KCNN2: variants seen among roughly 807,000 people sequenced by gnomAD.
KCNN2 encodes the protein potassium calcium-activated channel subfamily N member 2.
Under a neutral mutation model 55.5 loss-of-function variants are expected in KCNN2, and 24 were observed. The ratio of observed to expected loss-of-function variants is 0.43; its 90% CI spans 0.31 to 0.61. KCNN2 has a LOEUF of 0.61. Among genes scored for constraint, KCNN2 ranks in the 20% least tolerant of loss-of-function variants. The pLI is 0.08. For synonymous variants in KCNN2, 431 were observed against 336.1 expected, an observed-to-expected ratio of 1.28 and a Z score of -3.09; for missense variants, 754 against 853.6, an observed-to-expected ratio of 0.88 and a Z score of 1.45.
chr5:114,422,251 C>T (rs1370624373), intron 3 of KCNN2, among the ~76,000 whole-genome samples: 1 of 152,122 alleles, frequency 6.6e-6, no homozygotes, highest in Non-Finnish European at 1.5e-5. Context: ...AACCTAATTT[C>T]CAGTGTGATA....
At chr5:114,365,115 T>C (rs1317115604) in intron 2 of KCNN2, among the ~76,000 whole-genome samples, 1 of 152,182 alleles carries the variant, frequency 6.6e-6, no homozygotes, top group Non-Finnish European at 1.5e-5. Flanking sequence ...GAAATCGTTT[T>C]TAATGATGCC....
chr5:114,461,412 C>A (rs1486690789), intron 3 of KCNN2, among the ~76,000 whole-genome samples: 1 of 152,138 alleles, frequency 6.6e-6, no homozygotes, highest in Non-Finnish European at 1.5e-5. Context: ...TTGCAGGATG[C>A]TCCTAATCAG....
chr5:114,404,619 A>T lies in KCNN2; in HGVS notation c.1400A>T (p.Asp467Val). The part of the protein sequence containing the change: ...YAPSTTTADV[D>V]IILSIPMFLR... ...CCATCCACAACCACCGCTGATGTGG[A>T]TATTATTTTATCTATACCAATGTTC... Residue 467 changes from aspartate (D) to valine (V), a missense_variant, in exon 3 of 8, where the codon GAT (aspartate) becomes GTT (valine). This residue lies in a region of KCNN2 where 123 missense variants were observed against 204.9 expected (regional missense o/e 0.60). Transcript: ENST00000673685. 1 of 1,613,946 alleles carries T rather than the reference A, an allele frequency of 6.2e-7. No homozygotes were observed. The highest frequency in any genetic ancestry group is 8.5e-7 in the Non-Finnish European group (1 of 1,179,932).
Position 114,083,253 on chromosome 5 carries a change from TG to T in KCNN2, c.-271+26754del, listed in dbSNP as rs1246357396. 3.3e-5 allele frequency among the ~76,000 whole-genome samples: 5 copies of T among 152,154 alleles called. No homozygotes were observed. The East Asian group carries it at 7.7e-4, about 24-fold the overall frequency. On this transcript the variant is annotated intron_variant, in intron 1 of 10. Transcript: ENST00000512097. Reference sequence around the variant, plus strand: ...ACTTTTTCACCATTTTTTATTTTGTTGATTTTTGTATCTTTATTATACCTCC... The same window carrying T: ...ACTTTTTCACCATTTTTTATTTTGTTATTTTTGTATCTTTATTATACCTCC...
chr5:114,177,610 A>G (rs537536738), intron 1 of KCNN2, among the ~76,000 whole-genome samples: 13 of 139,788 alleles, frequency 9.3e-5, no homozygotes, highest in South Asian at 4.9e-4. Context: ...TACACCATAC[A>G]AAACATTAAC....
rs1481998840 is a variant in KCNN2, at chr5:114,496,160, C to G, written c.2354C>G (p.Pro785Arg). 22 of 1,613,850 alleles carry G rather than the reference C, an allele frequency of 1.4e-5. No homozygotes were observed. The highest frequency in any genetic ancestry group is 1.9e-5 in the Non-Finnish European group (22 of 1,179,958). ...CGGCGGTCCTCTTCCACAGCACCACCAACTTCATCAGAGAGTAGCTAGAAG... is the reference window on the plus strand; with the variant it reads ...CGGCGGTCCTCTTCCACAGCACCACGAACTTCATCAGAGAGTAGCTAGAAG... Reference protein sequence around the residue: ...RRRRSSSTAPPTSSESS With the variant: ...RRRRSSSTAPRTSSESS Residue 785 changes from proline to arginine, a missense_variant, in exon 8 of 8, where the codon CCA (proline) becomes CGA (arginine). By Grantham distance (103) the Pro-to-Arg change is moderately radical. This residue lies in a region of KCNN2 where 164 missense variants were observed against 156.6 expected (regional missense o/e 1.05). Transcript: ENST00000673685.
At chr5:114,285,385 A>C (rs1755721993) in intron 2 of KCNN2, among the ~76,000 whole-genome samples, 1 of 151,296 alleles carries the variant, frequency 6.6e-6, no homozygotes, top group African/African-American at 2.4e-5. Flanking sequence ...GGAAAGAATG[A>C]GTGCAGTCTG....
intron 2 of KCNN2, among the ~76,000 whole-genome samples, chr5:114,257,891 T>G (rs1200001852): frequency 6.6e-6 from 1 of 152,070 alleles, no homozygotes; most frequent in Non-Finnish European, 1.5e-5. Flanking sequence ...TGAATAGGAG[T>G]GGTGAGTGTG....
chr5:114,100,408 G>C (rs1325686031), intron 1 of KCNN2, among the ~76,000 whole-genome samples: 1 of 152,136 alleles, frequency 6.6e-6, no homozygotes, highest in African/African-American at 2.4e-5. Context: ...CTGGGTATGG[G>C]TGTAGTATTG....
intron 2 of KCNN2, among the ~76,000 whole-genome samples, chr5:114,335,428 A>G (rs1353010503): frequency 1.3e-5 from 2 of 152,170 alleles, no homozygotes; most frequent in Non-Finnish European, 2.9e-5. Flanking sequence ...GGAAGCCTGC[A>G]TTTCTTGCAT....
intron 2 of KCNN2, among the ~76,000 whole-genome samples, chr5:114,230,283 CT>C (rs1318712958): frequency 2.0e-5 from 2 of 99,418 alleles, no homozygotes; most frequent in Admixed American, 2.1e-4. Flanking sequence ...TTTTTTCTTT[CT>C]TTCTTTTTTT....
chr5:114,118,553 A>G (rs897994339), intron 1 of KCNN2, among the ~76,000 whole-genome samples: 16 of 151,986 alleles, frequency 1.1e-4, no homozygotes, highest in African/African-American at 3.9e-4. Flanking sequence ...AAGAGGAGGA[A>G]GACAGATGCC....
At chr5:114,124,969 A>G (rs2112602617) in intron 1 of KCNN2, among the ~76,000 whole-genome samples, 1 of 152,250 alleles carries the variant, frequency 6.6e-6, no homozygotes, top group East Asian at 1.9e-4. Context: ...CTTTGGAGGA[A>G]GAAGATATTT....
In KCNN2 at chr5:114,384,348, A is replaced by G. The variant is rs563414184; in HGVS notation, c.1219-20090A>G. 2.0e-5 allele frequency among the ~76,000 whole-genome samples: 3 copies of G among 152,322 alleles called. No individual in the cohort carries two copies. In the East Asian group the frequency reaches 5.8e-4, roughly 29 times the overall value. ...TCCATAATTAGTTGTTCCATGAAAT[A>G]TGTATTATTTATTCTTTTTGTCTCT... On this transcript the variant is annotated intron_variant, in intron 2 of 7. Coordinates refer to ENST00000673685, the MANE Select transcript of KCNN2 (RefSeq NM_021614.4).
chr5:114,267,930 A>G lies in KCNN2; in HGVS notation c.-185+46365A>G, dbSNP rs184227220. On this transcript the variant is annotated intron_variant, in intron 2 of 10. Transcript: ENST00000512097. ...CCAGTGTTTCTCTCTCTCCCCTCAG[A>G]TGCTTTTATGGCCATTGTTCCTTTC... 1.7e-3 allele frequency among the ~76,000 whole-genome samples: 265 copies of G among 152,218 alleles called. 6 individuals are homozygous for G. The highest frequency in any genetic ancestry group is 0.017 in the Admixed American group (262 of 15,282).
chr5:114,435,893 A>G (rs752531732), intron 3 of KCNN2, among the ~76,000 whole-genome samples: 7 of 152,230 alleles, frequency 4.6e-5, no homozygotes, highest in Non-Finnish European at 8.8e-5. Flanking sequence ...TAAGTAGATA[A>G]GTTAATGAGC....
At chr5:114,216,461 A>G (rs1018871494) in intron 1 of KCNN2, among the ~76,000 whole-genome samples, 1 of 152,168 alleles carries the variant, frequency 6.6e-6, no homozygotes, top group Non-Finnish European at 1.5e-5. Context: ...GCATCTCACA[A>G]TGTTGTCATT....
intron 6 of KCNN2, among the ~76,000 whole-genome samples, chr5:114,490,411 C>T (rs1414712963): frequency 6.6e-6 from 1 of 152,142 alleles, no homozygotes; most frequent in African/African-American, 2.4e-5. Flanking sequence ...TATCAAGAGG[C>T]CATGATGACT....
At chr5:114,486,990 C>T in intron 5 of KCNN2, 60 bp from the exon 6 acceptor site, 2 of 1,594,066 alleles carry the variant, frequency 1.3e-6, no homozygotes, top group Non-Finnish European at 1.7e-6. Context: ...TGACCCCCAG[C>T]AAAGTTACAA....
Sources: allele counts gnomAD v4.1 joint callset (sites outside exome capture counted in the v4.1 genomes callset), GRCh38; gene constraint gnomAD v4.1.1; regional missense constraint gnomAD v4.1.1; transcripts MANE v1.5; gene names NCBI Gene and HGNC (gene_info 2026-07-23, HGNC 2026-07-21).